Variants in CUL9 observed in about 807,000 individuals in gnomAD.
CUL9 encodes cullin 9, also known as cullin-9.
CUL9 carries 79 observed loss-of-function variants against 272.6 expected under a neutral mutation model. The ratio of observed to expected loss-of-function variants is 0.29; its 90% CI spans 0.24 to 0.35. The LOEUF is 0.35. CUL9 is among the 10% of genes least tolerant of loss of function. The probability of loss-of-function intolerance (pLI) is 1.00; values close to 1 mark genes in which losing one functional copy is unlikely to be tolerated. For synonymous variants in CUL9, 1,186 were observed against 1,286.5 expected (o/e 0.92, Z 1.67); for missense variants, 2,532 against 3,255.6 (o/e 0.78, Z 5.41).
Position 43,188,602 on chromosome 6 carries a change from G to C in CUL9, c.2067G>C (p.Gln689His). ...QHVAAVVATVQISSLDTNLQL... is the reference protein window; with the variant it reads ...QHVAAVVATVHISSLDTNLQL... The stretch of plus-strand genomic sequence containing the variant: ...TGGCAGCGGTCGTGGCCACTGTGCA[G>C]ATATCCAGCTTGGACACAAACCTGC... Residue 689 changes from glutamine (Q) to histidine (H), a missense_variant, in exon 8 of 41, where the codon CAG becomes CAC. This residue lies in a region of CUL9 where 2,218 missense variants were observed against 2,788.6 expected (regional missense o/e 0.80). Coordinates refer to ENST00000252050, the MANE Select transcript of CUL9 (RefSeq NM_015089.4). 1.1e-5 allele frequency: 17 copies of C among 1,614,238 alleles called. No homozygotes were observed. The highest frequency in any genetic ancestry group is 1.4e-5 in the Non-Finnish European group (17 of 1,180,046).
chr6:43,200,218 T>C lies in CUL9; in HGVS notation c.3384+62T>C. On this transcript the variant is annotated intron_variant, in intron 14 of 40. Transcript: ENST00000252050. The surrounding 1 kb of genome is among the most constrained non-coding windows in gnomAD (Gnocchi z 4.0). Reference sequence around the variant, plus strand: ...CAAGTCAGAAGCAGGAGAAGGGGATTCACTGTGTTCCTCTTTGGTATCCCT... The same window carrying C: ...CAAGTCAGAAGCAGGAGAAGGGGATCCACTGTGTTCCTCTTTGGTATCCCT... 2 of 1,517,790 alleles carry C rather than the reference T, an allele frequency of 1.3e-6. No individual in the cohort carries two copies. Among genetic ancestry groups the C allele is most frequent in the South Asian group, 2.3e-5 (2 of 86,590 alleles). 94.0% of individuals were successfully genotyped at this position (1,517,790 alleles called of 1,614,324 possible).
intron 24 of CUL9, 137 bp downstream of exon 24, chr6:43,205,560 G>A: frequency 9.9e-7 from 1 of 1,008,716 alleles, no homozygotes. Flanking sequence ...GCCAGGCGCG[G>A]TGGCTCACGC....
rs1775945105 is a variant in CUL9, at chr6:43,216,520, A to G, written c.6282+17A>G. 1.9e-6 allele frequency: 3 copies of G among 1,564,670 alleles called. No individual in the cohort carries two copies. The highest frequency in any genetic ancestry group is 2.6e-6 in the Non-Finnish European group (3 of 1,147,330). On this transcript the variant is annotated intron_variant, in intron 31 of 40. Transcript: ENST00000252050. ...TGCTGTAAGGTGAGGCCCCACCAGC[A>G]TTGCTCCTGCCCCTGGCTTTCTGCC...
At chr6:43,191,300 T>TTG (rs1773461302) in intron 8 of CUL9, among the ~76,000 whole-genome samples, 6 of 122,982 alleles carry the variant, frequency 4.9e-5, no homozygotes, top group African/African-American at 1.6e-4. Context: ...GTGCGTGTTG[T>TTG]TTTTTTTTTT....
At chr6:43,198,560 T>C in intron 11 of CUL9, 49 bp from the exon 12 acceptor site, 2 of 1,595,880 alleles carry the variant, frequency 1.3e-6, no homozygotes, top group South Asian at 2.2e-5. Context: ...TTTGACAAAC[T>C]GGTAAGACTC....
chr6:43,215,524 G>A (rs1279629149), intron 30 of CUL9, among the ~76,000 whole-genome samples, 198 bp downstream of exon 30: 2 of 152,158 alleles, frequency 1.3e-5, no homozygotes, highest in Non-Finnish European at 2.9e-5. Context: ...CTGCAAATAT[G>A]TATTGAGTGC....
At position 43,220,938 on chromosome 6, in the gene CUL9, C is replaced by A. The variant is rs1473936593; in HGVS notation, c.6588+27C>A. On this transcript the variant is annotated intron_variant, in intron 33 of 40. Transcript: ENST00000252050. This position sits in a 1 kb window ranked among gnomAD's most constrained non-coding sequence, Gnocchi z 4.9. Reference sequence around the variant, plus strand: ...TGGGAGCCCCACACTGGCCCTGACCCTGAGCAAGGATTCACACTCCTTCCC... The same window carrying A: ...TGGGAGCCCCACACTGGCCCTGACCATGAGCAAGGATTCACACTCCTTCCC... 6.3e-7 allele frequency: 1 copy of A among 1,581,710 alleles called. No homozygotes were observed.
intron 16 of CUL9, among the ~76,000 whole-genome samples, chr6:43,201,766 A>C (rs1013071802): frequency 6.6e-6 from 1 of 152,228 alleles, no homozygotes; most frequent in Non-Finnish European, 1.5e-5. Context: ...GGCGTGAACC[A>C]CTGCGCCCGG....
chr6:43,206,242 G>A lies in CUL9; in HGVS notation c.5022+7G>A. Reference sequence around the variant, plus strand: ...GAGACTAGAGGAAGAGGAGGTAAGAGCAGGGAGAATAGGAGAGTGAGAGAA... The same window carrying A: ...GAGACTAGAGGAAGAGGAGGTAAGAACAGGGAGAATAGGAGAGTGAGAGAA... On this transcript the variant is annotated splice_region_variant and intron_variant, in intron 25 of 40. Transcript: ENST00000252050. This position sits in a 1 kb window ranked among gnomAD's most constrained non-coding sequence, Gnocchi z 4.8. 1 of 1,612,288 alleles carries A rather than the reference G, an allele frequency of 6.2e-7. No individual in the cohort carries two copies. The highest frequency in any genetic ancestry group is 8.5e-7 in the Non-Finnish European group (1 of 1,178,974).
In CUL9 at chr6:43,221,116, C is replaced by T; in HGVS notation, c.6589-42C>T. On this transcript the variant is annotated intron_variant, in intron 33 of 40. Coordinates refer to ENST00000252050, the MANE Select transcript of CUL9 (RefSeq NM_015089.4). This position sits in a 1 kb window ranked among gnomAD's most constrained non-coding sequence, Gnocchi z 4.2. ...TCCTGTGCACACCAGCCATGCTGCC[C>T]TCACGGCTCAGCTGTGTCCCCACCA... is the stretch of plus-strand genomic sequence containing the variant. 1 of 1,600,950 alleles carries T rather than the reference C, an allele frequency of 6.2e-7. No individual in the cohort carries two copies.
At chr6:43,207,071 T>C (rs1775103778) in intron 26 of CUL9, among the ~76,000 whole-genome samples, 1 of 152,176 alleles carries the variant, frequency 6.6e-6, no homozygotes, top group East Asian at 1.9e-4. Context: ...CTCAAACTCC[T>C]GACCTCAGGT....
intron 11 of CUL9, among the ~76,000 whole-genome samples, chr6:43,197,752 G>A (rs1055363912): frequency 2.0e-5 from 3 of 152,224 alleles, no homozygotes; most frequent in African/African-American, 7.2e-5. Context: ...AAAGTGCTGG[G>A]ATTAGAGGCG....
chr6:43,191,796 A>G (rs1773539368), intron 8 of CUL9, among the ~76,000 whole-genome samples: 1 of 151,514 alleles, frequency 6.6e-6, no homozygotes, highest in South Asian at 2.1e-4. Flanking sequence ...TGTTGGCCAC[A>G]TTGGTCTCGA....
At chr6:43,215,608 T>G (rs1187976837) in intron 30 of CUL9, among the ~76,000 whole-genome samples, 1 of 152,224 alleles carries the variant, frequency 6.6e-6, no homozygotes, top group African/African-American at 2.4e-5. Flanking sequence ...TGCCATAGGA[T>G]TTCTCTAATC....
Position 43,200,882 on chromosome 6 carries a change from C to T in CUL9, c.3647+48C>T, listed in dbSNP as rs1450922197. 6.2e-7 allele frequency: 1 copy of T among 1,606,416 alleles called. No homozygotes were observed. Among genetic ancestry groups the T allele is most frequent in the Admixed American group, 1.7e-5 (1 of 59,928 alleles). ...GTTCTGCTGTGCCCCAGGATACTTC[C>T]CCAAAGCACCCAGATACACACAACC... On this transcript the variant is annotated intron_variant, in intron 16 of 40. Transcript: ENST00000252050. This position sits in a 1 kb window ranked among gnomAD's most constrained non-coding sequence, Gnocchi z 4.0.
At position 43,216,493 on chromosome 6, in the gene CUL9, A is replaced by G. The variant is rs145566761; in HGVS notation, c.6272A>G (p.Tyr2091Cys). The stretch of plus-strand genomic sequence containing the variant: ...CTGCCCTCTCTCTGCTGCATGCACT[A>G]TTGCTGTAAGGTGAGGCCCCACCAG... Reference protein sequence around the residue: ...DDLPSLCCMHYCCKSCWNEYL... With the variant: ...DDLPSLCCMHCCCKSCWNEYL... The change falls in exon 31 of 41, where the codon TAT (tyrosine) becomes TGT (cysteine). Residue 2091 changes from tyrosine (Y) to cysteine (C), a missense_variant. Coordinates refer to ENST00000252050, the MANE Select transcript of CUL9 (RefSeq NM_015089.4). 7 of 1,590,776 alleles carry G rather than the reference A, an allele frequency of 4.4e-6. No individual in the cohort carries two copies. Among genetic ancestry groups the G allele is most frequent in the Admixed American group, 1.7e-5 (1 of 59,360 alleles).
chr6:43,196,119 T>A lies in CUL9; in HGVS notation c.2439T>A (p.Val813=), dbSNP rs1276423595. ...VASSSEIPTF[V]TGRDSIHSLF... Reference sequence around the variant, plus strand: ...GCTCCTCGGAGATCCCCACTTTTGTTACTGGCCGAGATTCTATCCACTCTT... The same window carrying A: ...GCTCCTCGGAGATCCCCACTTTTGTAACTGGCCGAGATTCTATCCACTCTT... The change falls in exon 10 of 41, where the codon GTT becomes GTA. Residue 813 remains valine (V), a synonymous_variant. Transcript: ENST00000252050. 6.2e-7 allele frequency: 1 copy of A among 1,614,116 alleles called. No individual in the cohort carries two copies.
At chr6:43,212,077 G>A (rs1181013661) in intron 26 of CUL9, among the ~76,000 whole-genome samples, 3 of 152,214 alleles carry the variant, frequency 2.0e-5, no homozygotes, top group African/African-American at 7.2e-5. Context: ...TTTCCTGATT[G>A]CATTCACGTG....
At position 43,213,677 on chromosome 6, in the gene CUL9, T is replaced by C; in HGVS notation, c.5489-36T>C. 1 of 1,608,944 alleles carries C rather than the reference T, an allele frequency of 6.2e-7. No individual in the cohort carries two copies. On this transcript the variant is annotated intron_variant, in intron 28 of 40. Transcript: ENST00000252050. This position sits in a 1 kb window ranked among gnomAD's most constrained non-coding sequence, Gnocchi z 5.7. ...CTTAGTCCCCATTCATCTGTCCCTCTGCCTCCTCTGGTACCTGACCGGGAG... is the reference window on the plus strand; with the variant it reads ...CTTAGTCCCCATTCATCTGTCCCTCCGCCTCCTCTGGTACCTGACCGGGAG...
Sources: allele counts gnomAD v4.1 joint callset (sites outside exome capture counted in the v4.1 genomes callset), GRCh38; gene constraint gnomAD v4.1.1; regional missense constraint gnomAD v4.1.1; non-coding constraint Gnocchi (gnomAD v3.1); transcripts MANE v1.5; gene names NCBI Gene and HGNC (gene_info 2026-07-23, HGNC 2026-07-21).